CRTC1: variants seen among roughly 807,000 people sequenced by gnomAD.
CRTC1 encodes CREB regulated transcription coactivator 1, also known as CREB-regulated transcription coactivator 1.
Under a neutral mutation model 66.1 loss-of-function variants are expected in CRTC1, and 18 were observed. That is an observed-to-expected ratio of 0.27 (90% CI 0.19 to 0.40). The LOEUF (loss-of-function observed/expected upper bound fraction) is 0.40, where lower values mean the gene tolerates loss of function less well. CRTC1 is among the 10% of genes least tolerant of loss of function. The pLI is 1.00. For synonymous variants in CRTC1, 416 were observed against 398.8 expected, an observed-to-expected ratio of 1.04 and a Z score of -0.51; for missense variants, 669 against 887.9, an observed-to-expected ratio of 0.75 and a Z score of 3.13.
chr19:18,739,094 G>T (rs900262746), intron 1 of CRTC1, among the ~76,000 whole-genome samples: 2 of 152,234 alleles, frequency 1.3e-5, no homozygotes, highest in African/African-American at 4.8e-5. Context: ...CATCTATCTG[G>T]CCCACAGGCC....
intron 9 of CRTC1, among the ~76,000 whole-genome samples, chr19:18,767,494 C>T (rs1394544780): frequency 2.0e-5 from 3 of 152,284 alleles, no homozygotes; most frequent in Middle Eastern, 3.4e-3. Context: ...CCACCGCGCC[C>T]GTCACTTGTT....
intron 3 of CRTC1, among the ~76,000 whole-genome samples, chr19:18,746,537 C>T (rs1053824501): frequency 1.3e-5 from 2 of 150,670 alleles, no homozygotes; most frequent in African/African-American, 4.9e-5. Flanking sequence ...CCCCACAACA[C>T]CAGAGTCTGA....
intron 1 of CRTC1, among the ~76,000 whole-genome samples, chr19:18,714,338 T>G (rs2053458890): frequency 6.6e-6 from 1 of 152,154 alleles, no homozygotes; most frequent in African/African-American, 2.4e-5. Context: ...GACGGAGTCT[T>G]GCTCTGTCAC....
intron 1 of CRTC1, among the ~76,000 whole-genome samples, chr19:18,697,041 C>G (rs956686562): frequency 2.6e-5 from 4 of 152,086 alleles, no homozygotes; most frequent in Non-Finnish European, 5.9e-5. Flanking sequence ...TGCGTGGCCC[C>G]TGGGTGGAGG....
At chr19:18,737,060 C>T (rs891535450) in intron 1 of CRTC1, among the ~76,000 whole-genome samples, 2 of 152,126 alleles carry the variant, frequency 1.3e-5, no homozygotes, top group Non-Finnish European at 2.9e-5. Context: ...ATTCCCCTAC[C>T]TAGGGGCTCC....
intron 1 of CRTC1, among the ~76,000 whole-genome samples, chr19:18,697,592 G>A (rs974285069): frequency 7.2e-5 from 11 of 152,190 alleles, no homozygotes; most frequent in African/African-American, 2.2e-4. Context: ...TTACAGGCAT[G>A]AGCCAATGCT....
chr19:18,765,337 G>A (rs2054704576), intron 8 of CRTC1, 67 bp from the exon 9 acceptor site: 3 of 1,553,610 alleles, frequency 1.9e-6, no homozygotes, highest in Non-Finnish European at 1.7e-6. Context: ...GACTGTGGGT[G>A]TGTAAGCAGC....
chr19:18,757,826 C>G (rs2054523003), intron 6 of CRTC1, among the ~76,000 whole-genome samples: 1 of 151,758 alleles, frequency 6.6e-6, no homozygotes, highest in Non-Finnish European at 1.5e-5. Context: ...ACCATCCTGG[C>G]TAACATGGTG....
chr19:18,777,164 C>T lies in CRTC1; in HGVS notation c.1694-7C>T, dbSNP rs2055007727. The T allele has an allele frequency of 7.3e-7, 1 of 1,374,170 alleles. No individual in the cohort carries two copies. The highest frequency in any genetic ancestry group is 1.0e-6 in the Non-Finnish European group (1 of 969,422). 85.1% of individuals were successfully genotyped at this position (1,374,170 alleles called of 1,614,324 possible). On this transcript the variant is annotated splice_polypyrimidine_tract_variant and splice_region_variant and intron_variant, in intron 13 of 13. Transcript: ENST00000321949. The surrounding 1 kb of genome is among the most constrained non-coding windows in gnomAD (Gnocchi z 5.5). The stretch of plus-strand genomic sequence containing the variant: ...GCAGTGCCTTTTGTCCCCACCCCAT[C>T]CCCCAGTGACAGGAGAGTCCCCCCC...
rs565009445 is a variant in CRTC1, at chr19:18,707,908, C to T, written c.126+24080C>T. On this transcript the variant is annotated intron_variant, in intron 1 of 13. Coordinates refer to ENST00000321949, the MANE Select transcript of CRTC1 (RefSeq NM_015321.3). Reference sequence around the variant, plus strand: ...GACCCTGGGCAAGCCCATAATTGGCCCCTGCCTCAGTTTCCCCATCTGTAA... The same window carrying T: ...GACCCTGGGCAAGCCCATAATTGGCTCCTGCCTCAGTTTCCCCATCTGTAA... 1.1e-4 allele frequency among the ~76,000 whole-genome samples: 16 copies of T among 152,350 alleles called. No homozygotes were observed. The South Asian group carries it at 3.1e-3, about 30-fold the overall frequency.
chr19:18,749,736 C>T (rs1426121604), intron 4 of CRTC1, 45 bp from the exon 5 acceptor site: 3 of 1,513,130 alleles, frequency 2.0e-6, no homozygotes, highest in East Asian at 2.3e-5. Context: ...ATCGCATTGT[C>T]TGCCTTGGGC....
intron 1 of CRTC1, among the ~76,000 whole-genome samples, chr19:18,719,316 G>C (rs960412603): frequency 6.6e-6 from 1 of 152,304 alleles, no homozygotes; most frequent in South Asian, 2.1e-4. Context: ...AGACAGGCAA[G>C]GGCTAACCCC....
chr19:18,749,738 G>T, intron 4 of CRTC1, 43 bp from the exon 5 acceptor site: 1 of 1,523,670 alleles, frequency 6.6e-7, no homozygotes, highest in Non-Finnish European at 9.1e-7. Flanking sequence ...CGCATTGTCT[G>T]CCTTGGGCTG....
chr19:18,689,434 C>CTT (rs113447997), intron 1 of CRTC1, among the ~76,000 whole-genome samples: 22 of 49,754 alleles, frequency 4.4e-4, no homozygotes, highest in Non-Finnish European at 7.9e-4. Flanking sequence ...CTTTTTCTTT[C>CTT]TTTTTTTTTT....
chr19:18,753,275 CTAAA>C lies in CRTC1; in HGVS notation c.539-192_539-189del, dbSNP rs59575360. On this transcript the variant is annotated intron_variant, in intron 5 of 13. Transcript: ENST00000321949. The stretch of plus-strand genomic sequence containing the variant: ...TGGGCGACAGAGCGAGACTCCGTCT[CTAAA>C]TAAATAAATAAATAAATAAATAAAT... Among the ~76,000 whole-genome samples, 1,116 of 146,052 alleles carry C rather than the reference CTAAA, an allele frequency of 7.6e-3. 9 individuals carry two copies. The highest frequency in any genetic ancestry group is 0.018 in the African/African-American group (721 of 39,124).
rs1196359207 is a variant in CRTC1, at chr19:18,741,597, C to A, written c.127-1313C>A. 6.6e-6 allele frequency among the ~76,000 whole-genome samples: 1 copy of A among 152,196 alleles called. No homozygotes were observed. The highest frequency in any genetic ancestry group is 1.5e-5 in the Non-Finnish European group (1 of 68,020). ...CCCACCCTACACCCCCTCCCTCTGC[C>A]ACAGCCCGGAGCTGGCCTGTTTCAT... On this transcript the variant is annotated intron_variant, in intron 1 of 13. Coordinates refer to ENST00000321949, the MANE Select transcript of CRTC1 (RefSeq NM_015321.3). This position sits in a 1 kb window ranked among gnomAD's most constrained non-coding sequence, Gnocchi z 4.2.
At chr19:18,763,257 C>A (rs906957029) in intron 8 of CRTC1, among the ~76,000 whole-genome samples, 1 of 152,218 alleles carries the variant, frequency 6.6e-6, no homozygotes, top group Admixed American at 6.5e-5. Flanking sequence ...CCCACCACCA[C>A]GCCTGGCTAA....
intron 1 of CRTC1, among the ~76,000 whole-genome samples, chr19:18,732,854 G>C (rs1038520490): frequency 6.6e-6 from 1 of 152,074 alleles, no homozygotes; most frequent in Admixed American, 6.6e-5. Context: ...ACTTTGGGAG[G>C]CCAGGCAGGA....
At chr19:18,723,519 G>A (rs933080184) in intron 1 of CRTC1, among the ~76,000 whole-genome samples, 5 of 152,260 alleles carry the variant, frequency 3.3e-5, no homozygotes, top group Admixed American at 2.0e-4. Context: ...GCGGAGCCAC[G>A]TGGTGTCTCC....
Sources: gnomAD v4.1 joint callset for allele counts (sites outside exome capture counted in the v4.1 genomes callset) on GRCh38, gnomAD v4.1.1 for gene constraint, Gnocchi (gnomAD v3.1) non-coding constraint, MANE v1.5 for transcripts, NCBI Gene and HGNC (gene_info 2026-07-23, HGNC 2026-07-21) for gene names.